The following TTC21A variants were observed in gnomAD, a reference collection of about 807,000 sequenced individuals.
The protein encoded by TTC21A is tetratricopeptide repeat protein 21A.
TTC21A carries 128 observed loss-of-function variants against 156.4 expected under a neutral mutation model. The observed-to-expected ratio is 0.82, with a 90% CI of 0.71 to 0.95. The LOEUF (loss-of-function observed/expected upper bound fraction) is 0.95, where lower values mean the gene tolerates loss of function less well. Ranked by LOEUF, TTC21A falls within the 40% of genes least tolerant of loss-of-function variation. TTC21A has a pLI of 0.00. For synonymous variants in TTC21A, 587 were observed against 617.1 expected (o/e 0.95, Z 0.72); for missense variants, 1,435 against 1,602.3 (o/e 0.90, Z 1.78).
At chr3:39,131,251 C>T (rs1481003353) in intron 19 of TTC21A, among the ~76,000 whole-genome samples, 156 bp downstream of exon 19, 2 of 152,196 alleles carry the variant, frequency 1.3e-5, no homozygotes, top group African/African-American at 4.8e-5. Context: ...CTTATTTTCC[C>T]GTCCTGGTTC....
rs190925784 is a variant in TTC21A at position 39,126,186 on chromosome 3, A to C, written c.1393-75A>C. ...GAAGCAAAATTCCTTCACTGAGAGCATTTTCTGAGAGCTCCAGGAGTCTCT... is the reference window on the plus strand; with the variant it reads ...GAAGCAAAATTCCTTCACTGAGAGCCTTTTCTGAGAGCTCCAGGAGTCTCT... On this transcript the variant is annotated intron_variant, in intron 11 of 28. Transcript: ENST00000683103. 7 of 1,574,878 alleles carry C rather than the reference A, an allele frequency of 4.4e-6. No individual in the cohort carries two copies. In the South Asian group the frequency reaches 8.0e-5, roughly 18 times the overall value.
intron 13 of TTC21A, 95 bp downstream of exon 13, chr3:39,128,583 C>A: frequency 6.3e-7 from 1 of 1,576,746 alleles, no homozygotes; most frequent in Non-Finnish European, 8.6e-7. Context: ...AGCTGTGTCC[C>A]GTAGATCTTT....
rs758986284 is a variant in TTC21A at position 39,135,062 on chromosome 3, GA to G, written c.2863-28del. The G allele has an allele frequency of 1.4e-5, 22 of 1,608,498 alleles. No homozygotes were observed. The Admixed American group carries it at 3.7e-4, about 27-fold the overall frequency. On this transcript the variant is annotated intron_variant, in intron 21 of 28. Transcript: ENST00000683103. ...CACCCATGCAAGCTGCCACTGTTGG[GA>G]AATCTGGAGCTTTGTGTGTTTTCTG...
chr3:39,109,256 G>A (rs915942760), intron 2 of TTC21A, 42 bp downstream of exon 2: 3 of 1,594,396 alleles, frequency 1.9e-6, no homozygotes, highest in Non-Finnish European at 2.6e-6. Context: ...CCAGGCACTA[G>A]CTGGGCCCTA....
In TTC21A at chr3:39,125,378, G is replaced by T. The variant is rs764435602; in HGVS notation, c.1238G>T (p.Gly413Val). The change falls in exon 11 of 29, where the codon GGG (glycine) becomes GTG (valine). Residue 413 changes from glycine to valine, a missense_variant. Gly to Val is a moderately radical substitution (Grantham distance 109). Coordinates refer to ENST00000683103, the MANE Select transcript of TTC21A (RefSeq NM_001366900.1). ...CTCCTGATGTCCAGGAAGCACAAGG[G>T]GGAGGAAGAGACCACAGCGCTCCTG... The part of the protein sequence containing the change: ...QALLMSRKHK[G>V]EEETTALLKE... 3 of 1,614,164 alleles carry T rather than the reference G, an allele frequency of 1.9e-6. No homozygotes were observed. In the East Asian group the frequency reaches 6.7e-5, roughly 36 times the overall value.
At chr3:39,107,942 C>A in intron 1 of TTC21A, 78 bp downstream of exon 1, 2 of 1,545,542 alleles carry the variant, frequency 1.3e-6, no homozygotes, top group Admixed American at 1.7e-5. Flanking sequence ...CCCTGCTACT[C>A]TCCTGCCACC....
At position 39,119,978 on chromosome 3, in the gene TTC21A, T is replaced by C; in HGVS notation, c.858T>C (p.Asn286=). 1.2e-6 allele frequency: 2 copies of C among 1,610,006 alleles called. No homozygotes were observed. Among genetic ancestry groups the C allele is most frequent in the South Asian group, 1.1e-5 (1 of 91,008 alleles). The change falls in exon 8 of 29, where the codon AAT becomes AAC. Residue 286 remains asparagine, a synonymous_variant. Coordinates refer to ENST00000683103, the MANE Select transcript of TTC21A (RefSeq NM_001366900.1). ...IKALETREPE[N]PSLHLKKIIV... The stretch of plus-strand genomic sequence containing the variant: ...CACTAGAGACAAGGGAACCCGAAAA[T>C]CCAAGCCTCCATCTTAAAAAAATTA...
At chr3:39,133,562 G>C (rs771373521) in intron 20 of TTC21A, among the ~76,000 whole-genome samples, 3 of 152,190 alleles carry the variant, frequency 2.0e-5, no homozygotes, top group Non-Finnish European at 4.4e-5. Context: ...AGATGATGAG[G>C]GTTGCAGCTG....
Position 39,118,226 on chromosome 3 carries a change from C to G in TTC21A, c.801+73C>G, listed in dbSNP as rs750739217. On this transcript the variant is annotated intron_variant, in intron 7 of 28. Coordinates refer to ENST00000683103, the MANE Select transcript of TTC21A (RefSeq NM_001366900.1). ...GAGGAACCCTTCATGACCTGTGCAC[C>G]TGACCCAAAGCCCTTGTAGGGAGCT... The G allele has an allele frequency of 2.7e-6, 4 of 1,474,690 alleles. No homozygotes were observed. The South Asian group carries it at 4.5e-5, about 17-fold the overall frequency. 91.4% of individuals were successfully genotyped at this position (1,474,690 alleles called of 1,614,324 possible). A position where few individuals can be genotyped will look rare whatever the true frequency, so the allele number is the denominator to read the frequency against.
rs34201693 is a variant in TTC21A, at chr3:39,137,494, C to T, written c.3459C>T (p.Ser1153=). 1.8e-5 allele frequency: 29 copies of T among 1,614,044 alleles called. No homozygotes were observed. In the Admixed American group the frequency reaches 3.3e-4, roughly 19 times the overall value. Residue 1153 remains serine (S), a synonymous_variant, in exon 26 of 29, where the codon AGC becomes AGT. Coordinates refer to ENST00000683103, the MANE Select transcript of TTC21A (RefSeq NM_001366900.1). ...TCCTACCTGGTGTGTAGAAGGACAG[C>T]GTCCCTGCCCTGCTGGCCTTGGCAC... The part of the protein sequence containing the change: ...FIQIAQAEKD[S]VPALLALAQA...
At chr3:39,116,190 C>T (rs1559676630) in intron 6 of TTC21A, among the ~76,000 whole-genome samples, 1 of 152,268 alleles carries the variant, frequency 6.6e-6, no homozygotes, top group Non-Finnish European at 1.5e-5. Context: ...TCCAGTGCCC[C>T]AGCGTGTTCC....
At position 39,137,015 on chromosome 3, in the gene TTC21A, AGGTTGTGG is replaced by A; in HGVS notation, c.3214_3221del (p.Val1072ArgfsTer5). On this transcript the variant is annotated frameshift_variant, in exon 24 of 29. Coordinates refer to ENST00000683103, the MANE Select transcript of TTC21A (RefSeq NM_001366900.1). LOFTEE classifies it high-confidence loss of function. ...CAGATCTGTCTGAATCCAGACAACGAGGTTGTGGGCGGAGAGGCTTTTGAGAACCAGGG... is the reference window on the plus strand; with the variant it reads ...CAGATCTGTCTGAATCCAGACAACGAGCGGAGAGGCTTTTGAGAACCAGGG... The A allele has an allele frequency of 6.2e-7, 1 of 1,613,832 alleles. No homozygotes were observed. The highest frequency in any genetic ancestry group is 8.5e-7 in the Non-Finnish European group (1 of 1,179,940).
Position 39,128,371 on chromosome 3 carries a change from G to A in TTC21A, c.1563G>A (p.Leu521=), listed in dbSNP as rs765048996. Residue 521 remains leucine, a synonymous_variant, in exon 13 of 29, where the codon CTG becomes CTA. Coordinates refer to ENST00000683103, the MANE Select transcript of TTC21A (RefSeq NM_001366900.1). ...CCCAGAGCATCCTGCAGCGTTGCCTGGAGCTGGACCCCGCCTCCGTGGATG... is the reference window on the plus strand; with the variant it reads ...CCCAGAGCATCCTGCAGCGTTGCCTAGAGCTGGACCCCGCCTCCGTGGATG... The part of the protein sequence containing the change: ...ENAQSILQRC[L]ELDPASVDAH... 5.6e-6 allele frequency: 9 copies of A among 1,614,068 alleles called. No individual in the cohort carries two copies. In the South Asian group the frequency reaches 9.9e-5, roughly 18 times the overall value.
intron 6 of TTC21A, among the ~76,000 whole-genome samples, chr3:39,116,997 G>A (rs904555850): frequency 1.3e-5 from 2 of 152,130 alleles, no homozygotes; most frequent in Non-Finnish European, 1.5e-5. Flanking sequence ...GTAAGCTACC[G>A]TGTCTGGCCT....
intron 19 of TTC21A, among the ~76,000 whole-genome samples, chr3:39,132,334 G>GC (rs1265177106): frequency 6.6e-6 from 1 of 152,172 alleles, no homozygotes; most frequent in Non-Finnish European, 1.5e-5. Flanking sequence ...CCCAACCCAT[G>GC]CTCTTTGCAC....
intron 3 of TTC21A, 83 bp from the exon 4 acceptor site, chr3:39,110,767 TC>T: frequency 6.7e-7 from 1 of 1,501,070 alleles, no homozygotes; most frequent in Non-Finnish European, 9.2e-7. Flanking sequence ...CCGAGGTAGT[TC>T]CCTGGGCCCT....
rs775422972 is a variant in TTC21A at position 39,128,880 on chromosome 3, G to A, written c.1844G>A (p.Arg615Gln). 25 of 1,614,140 alleles carry A rather than the reference G, an allele frequency of 1.5e-5. No individual in the cohort carries two copies. The highest frequency in any genetic ancestry group is 3.3e-4 in the Middle Eastern group (2 of 6,062). ...AGGCCCTCTGTGCAGCCTAGCCAGC[G>A]GGCATCCATCTTATTGGAACTGGTG... is the stretch of plus-strand genomic sequence containing the variant. ...FLRPSVQPSQ[R>Q]ASILLELVEA... The change falls in exon 14 of 29, where the codon CGG becomes CAG. Residue 615 changes from arginine (R) to glutamine (Q), a missense_variant. Coordinates refer to ENST00000683103, the MANE Select transcript of TTC21A (RefSeq NM_001366900.1).
intron 8 of TTC21A, 53 bp downstream of exon 8, chr3:39,120,073 G>A: frequency 7.5e-7 from 1 of 1,325,704 alleles, no homozygotes; most frequent in Non-Finnish European, 1.1e-6. Context: ...GCTTTCCTTA[G>A]AGGAGAACTG....
rs1357389678 is a variant in TTC21A at position 39,136,477 on chromosome 3, G to C, written c.3065G>C (p.Gly1022Ala). ...TCTAGCCGGGTGCCTTTGGAACCAG[G>C]GTTCAATTACTGCAGAGGTATCTAC... ...KVSSRVPLEP[G>A]FNYCRGIYCW... The change falls in exon 23 of 29, where the codon GGG becomes GCG. Residue 1022 changes from glycine to alanine, a missense_variant. Transcript: ENST00000683103. 2 of 1,614,262 alleles carry C rather than the reference G, an allele frequency of 1.2e-6. No homozygotes were observed. The highest frequency in any genetic ancestry group is 1.7e-6 in the Non-Finnish European group (2 of 1,180,042).
Sources: allele counts gnomAD v4.1 joint callset (sites outside exome capture counted in the v4.1 genomes callset), GRCh38; gene constraint gnomAD v4.1.1; transcripts MANE v1.5; gene names NCBI Gene and HGNC (gene_info 2026-07-23, HGNC 2026-07-21).